Variants in ITGB6 observed in about 807,000 individuals in gnomAD.
The protein encoded by ITGB6 is integrin subunit beta 6.
ITGB6 carries 80 observed loss-of-function variants against 84.5 expected under a neutral mutation model. The observed-to-expected ratio is 0.95, with a 90% CI of 0.79 to 1.14. The LOEUF (loss-of-function observed/expected upper bound fraction) is 1.14, where lower values mean the gene tolerates loss of function less well. ITGB6 is among the 50% of genes most tolerant of loss of function. The probability of loss-of-function intolerance (pLI) is 0.00; values close to 1 mark genes in which losing one functional copy is unlikely to be tolerated. For missense variants in ITGB6, 1,006 were observed against 968.0 expected (o/e 1.04, Z -0.52); for synonymous variants, 383 against 354.9 (o/e 1.08, Z -0.89).
chr2:160,196,952 G>T (rs564910457), intron 2 of ITGB6, among the ~76,000 whole-genome samples: 2 of 152,192 alleles, frequency 1.3e-5, no homozygotes, highest in African/African-American at 4.8e-5. Flanking sequence ...AAAGGGTAGG[G>T]ATTGCAACAT....
At chr2:160,185,671 C>G (rs1685864557) in intron 4 of ITGB6, among the ~76,000 whole-genome samples, 1 of 152,166 alleles carries the variant, frequency 6.6e-6, no homozygotes, top group African/African-American at 2.4e-5. Context: ...CAAAGACAAT[C>G]CTAAGCAAAA....
Position 160,109,553 on chromosome 2 carries a change from T to C in ITGB6, c.2102-1708A>G, listed in dbSNP as rs532982022. On this transcript the variant is annotated intron_variant, in intron 13 of 14. Transcript: ENST00000283249. Reference sequence around the variant, plus strand: ...TGGCAGAGATAATTATTTTAAGAACTGAAAGTCCTCAGGAATTGTACATTT... The same window carrying C: ...TGGCAGAGATAATTATTTTAAGAACCGAAAGTCCTCAGGAATTGTACATTT... 7.8e-4 allele frequency among the ~76,000 whole-genome samples: 119 copies of C among 152,338 alleles called. 1 individual carries two copies. Among genetic ancestry groups the C allele is most frequent in the African/African-American group, 2.7e-3 (114 of 41,576 alleles).
intron 6 of ITGB6, among the ~76,000 whole-genome samples, chr2:160,170,814 G>A (rs776719962): frequency 6.6e-6 from 1 of 152,194 alleles, no homozygotes; most frequent in Non-Finnish European, 1.5e-5. Context: ...TTTATTAGCT[G>A]AGAAGTTCAT....
intron 7 of ITGB6, among the ~76,000 whole-genome samples, chr2:160,151,514 C>A (rs1346139953): frequency 6.6e-6 from 1 of 152,010 alleles, no homozygotes; most frequent in Admixed American, 6.6e-5. Flanking sequence ...AAATCAACAC[C>A]CTAACATCAC....
At chr2:160,137,943 T>G (rs1574075206) in intron 9 of ITGB6, 92 bp from the exon 10 acceptor site, 2 of 1,532,768 alleles carry the variant, frequency 1.3e-6, no homozygotes, top group East Asian at 4.5e-5. Flanking sequence ...CCAAAAGCAT[T>G]TACTAGAAAA....
intron 7 of ITGB6, among the ~76,000 whole-genome samples, chr2:160,151,756 A>C (rs1381938799): frequency 6.6e-6 from 1 of 152,214 alleles, no homozygotes; most frequent in East Asian, 1.9e-4. Context: ...AAAAAATGAT[A>C]AACGGGATAT....
At chr2:160,128,771 C>T (rs892001968) in intron 10 of ITGB6, among the ~76,000 whole-genome samples, 1 of 152,094 alleles carries the variant, frequency 6.6e-6, no homozygotes, top group African/African-American at 2.4e-5. Flanking sequence ...ATGGTCACTG[C>T]CGTGTCACCA....
intron 14 of ITGB6, among the ~76,000 whole-genome samples, chr2:160,102,812 C>T (rs899302138): frequency 6.6e-6 from 1 of 152,180 alleles, no homozygotes; most frequent in Admixed American, 6.5e-5. Context: ...TGGGTCCAAA[C>T]CCAGCTCCAC....
Position 160,123,870 on chromosome 2 carries a change from G to A in ITGB6, c.1902C>T (p.His634=), listed in dbSNP as rs1165488333. The A allele has an allele frequency of 6.2e-7, 1 of 1,613,556 alleles. No individual in the cohort carries two copies. The highest frequency in any genetic ancestry group is 2.2e-5 in the East Asian group (1 of 44,874). Residue 634 remains histidine (H), a synonymous_variant, in exon 12 of 15, where the codon CAC becomes CAT. Coordinates refer to ENST00000283249, the MANE Select transcript of ITGB6 (RefSeq NM_000888.5). ...CNSKRSCIEC[H]LSAAGQAREE... is the part of the protein sequence containing the mutation. ...CTCGGGCTTGGCCAGCTGCTGACAG[G>A]TGGCACTCAATGCAGCTCCTGTGGA... is the stretch of plus-strand genomic sequence containing the variant.
chr2:160,118,169 C>G (rs1440757371), intron 12 of ITGB6, among the ~76,000 whole-genome samples: 3 of 152,150 alleles, frequency 2.0e-5, no homozygotes, highest in African/African-American at 2.4e-5. Flanking sequence ...TTTTATGAGG[C>G]CAGCATCATC....
At chr2:160,193,159 T>C (rs1259985591) in intron 4 of ITGB6, among the ~76,000 whole-genome samples, 1 of 152,148 alleles carries the variant, frequency 6.6e-6, no homozygotes, top group Non-Finnish European at 1.5e-5. Flanking sequence ...AAAGTATACA[T>C]CTATACAAAG....
At chr2:160,172,341 C>T (rs1438394664) in intron 6 of ITGB6, among the ~76,000 whole-genome samples, 1 of 152,158 alleles carries the variant, frequency 6.6e-6, no homozygotes, top group Admixed American at 6.5e-5. Context: ...GTTCTGGGAT[C>T]ATGGGATTCA....
chr2:160,102,574 G>A (rs1005340246), intron 14 of ITGB6, among the ~76,000 whole-genome samples: 3 of 152,230 alleles, frequency 2.0e-5, no homozygotes, highest in Non-Finnish European at 1.5e-5. Flanking sequence ...TTGCCTTGGG[G>A]GCAGTGGGAA....
chr2:160,103,809 A>G (rs1175550723), intron 14 of ITGB6, among the ~76,000 whole-genome samples: 1 of 152,164 alleles, frequency 6.6e-6, no homozygotes, highest in Non-Finnish European at 1.5e-5. Flanking sequence ...ACCTTTGTGA[A>G]CAGAAAAGAC....
At chr2:160,159,554 A>G (rs1684744921) in intron 7 of ITGB6, among the ~76,000 whole-genome samples, 1 of 152,230 alleles carries the variant, frequency 6.6e-6, no homozygotes. Context: ...CACTGCCTTC[A>G]AGATTGAAGG....
intron 10 of ITGB6, among the ~76,000 whole-genome samples, chr2:160,135,924 A>C (rs1315864356): frequency 6.6e-6 from 1 of 152,220 alleles, no homozygotes; most frequent in Non-Finnish European, 1.5e-5. Flanking sequence ...TAAAGATTTA[A>C]ATATTAGACC....
At chr2:160,179,980 G>A (rs1252054761) in intron 4 of ITGB6, among the ~76,000 whole-genome samples, 4 of 149,670 alleles carry the variant, frequency 2.7e-5, no homozygotes, top group South Asian at 4.2e-4. Context: ...GGGCATGGTG[G>A]CACACGCCTG....
At chr2:160,153,810 C>T (rs1343436163) in intron 7 of ITGB6, among the ~76,000 whole-genome samples, 1 of 152,136 alleles carries the variant, frequency 6.6e-6, no homozygotes, top group Non-Finnish European at 1.5e-5. Context: ...GACATTTATG[C>T]AGCCAACAGA....
At chr2:160,170,082 T>G (rs1202140732) in intron 6 of ITGB6, among the ~76,000 whole-genome samples, 1 of 151,784 alleles carries the variant, frequency 6.6e-6, no homozygotes, top group Non-Finnish European at 1.5e-5. Flanking sequence ...GAAACTCAAG[T>G]GAGGTACTAG....
Sources: gnomAD v4.1 joint callset for allele counts (sites outside exome capture counted in the v4.1 genomes callset) on GRCh38, gnomAD v4.1.1 for gene constraint, MANE v1.5 for transcripts, NCBI Gene and HGNC (gene_info 2026-07-23, HGNC 2026-07-21) for gene names.